The following HDAC6 variants were observed in gnomAD, a reference collection of about 807,000 sequenced individuals.
The protein encoded by HDAC6 is histone deacetylase 6, also known as protein deacetylase HDAC6.
HDAC6 carries 5 observed loss-of-function variants against 88.9 expected under a neutral mutation model. The observed-to-expected ratio is 0.06, with a 90% CI of 0.03 to 0.12. The LOEUF (loss-of-function observed/expected upper bound fraction) is 0.12. Among genes scored for constraint, HDAC6 ranks in the 10% least tolerant of loss-of-function variants. HDAC6 has a pLI of 1.00. For missense variants in HDAC6, 706 were observed against 1,014.4 expected, an observed-to-expected ratio of 0.70 and a Z score of 4.13; for synonymous variants, 378 against 398.0, an observed-to-expected ratio of 0.95 and a Z score of 0.60.
chrX:48,807,498 A>ATTTTAT (rs1166818145), intron 8 of HDAC6, among the ~76,000 whole-genome samples: 2 of 112,586 alleles, frequency 1.8e-5, no homozygotes, highest in African/African-American at 3.2e-5. Context: ...TGCGTTGATC[A>ATTTTAT]TTTTATTTTT....
chrX:48,822,666 C>T lies in HDAC6; in HGVS notation c.2384C>T (p.Thr795Ile). Reference protein sequence around the residue: ...TSISESMAACTRSLLGDPPPL... With the variant: ...TSISESMAACIRSLLGDPPPL... ...ATCTCAGAGTCCATGGCTGCCTGCA[C>T]TCGCTCCCTCCTTGGAGACCCACCA... is the stretch of plus-strand genomic sequence containing the variant. The change falls in exon 24 of 29, where the codon ACT becomes ATT. Residue 795 changes from threonine (T) to isoleucine (I), a missense_variant. Thr to Ile is a moderately conservative substitution (Grantham distance 89). Coordinates refer to ENST00000334136, the MANE Select transcript of HDAC6 (RefSeq NM_006044.4). 8.3e-7 allele frequency: 1 copy of T among 1,208,154 alleles called. No individual in the cohort carries two copies. Among genetic ancestry groups the T allele is most frequent in the South Asian group, 1.8e-5 (1 of 56,619 alleles).
In HDAC6 at chrX:48,824,938, C is replaced by T. The variant is rs1440053855; in HGVS notation, c.*326C>T. Reference sequence around the variant, plus strand: ...GAGGGGAGTTAACTGGCAGGCATGGCAAGGTTGCATATGTAATAAAGTACA... The same window carrying T: ...GAGGGGAGTTAACTGGCAGGCATGGTAAGGTTGCATATGTAATAAAGTACA... On this transcript the variant is annotated 3_prime_UTR_variant, in exon 29 of 29. Coordinates refer to ENST00000334136, the MANE Select transcript of HDAC6 (RefSeq NM_006044.4). 25 of 1,051,450 alleles carry T rather than the reference C, an allele frequency of 2.4e-5. No homozygotes were observed. Among genetic ancestry groups the T allele is most frequent in the Non-Finnish European group, 3.1e-5 (25 of 808,408 alleles). 86.7% of individuals were successfully genotyped at this position (1,051,450 alleles called of 1,213,427 possible). A position where few individuals can be genotyped will look rare whatever the true frequency, so the allele number is the denominator to read the frequency against.
At chrX:48,804,891 G>C (rs377431255) in intron 4 of HDAC6, among the ~76,000 whole-genome samples, 1 of 99,316 alleles carries the variant, frequency 1.0e-5, no homozygotes, top group East Asian at 3.2e-4. Flanking sequence ...CATGGAGACA[G>C]TTGGAGGAAG....
chrX:48,824,447 G>A, intron 28 of HDAC6, 97 bp from the exon 29 acceptor site: 1 of 1,078,289 alleles, frequency 9.3e-7, no homozygotes, highest in African/African-American at 1.8e-5. Flanking sequence ...TAGTCCAGAA[G>A]ACAGAGTGGT....
chrX:48,814,248 G>A, intron 10 of HDAC6, 192 bp from the exon 11 acceptor site: 1 of 444,350 alleles, frequency 2.3e-6, no homozygotes, highest in East Asian at 3.8e-5. Flanking sequence ...ATTGGTGACT[G>A]AATGTAAGGG....
intron 23 of HDAC6, among the ~76,000 whole-genome samples, chrX:48,821,968 A>G: frequency 8.9e-6 from 1 of 112,093 alleles, no homozygotes; most frequent in East Asian, 2.8e-4. Context: ...CCAAGTTCAA[A>G]CCCCAGTGCT....
chrX:48,811,890 C>G (rs2062908436), intron 10 of HDAC6, among the ~76,000 whole-genome samples: 1 of 112,052 alleles, frequency 8.9e-6, no homozygotes, highest in Non-Finnish European at 1.9e-5. Flanking sequence ...ATTGGCCGAT[C>G]TCATTTCATC....
upstream of HDAC6, chrX:48,801,723 C>A: frequency 2.0e-6 from 1 of 506,986 alleles, no homozygotes; most frequent in Non-Finnish European, 2.8e-6. Context: ...CGCCGACGCA[C>A]CGCCCCGCCG....
chrX:48,808,521 A>G lies in HDAC6; in HGVS notation c.806+195A>G, dbSNP rs781993024. The stretch of plus-strand genomic sequence containing the variant: ...TGAGGCAGGGACTGTTGGGTTCCCT[A>G]TTTTACAGATAGGGGGACTGAGGCT... On this transcript the variant is annotated intron_variant, in intron 10 of 28. Coordinates refer to ENST00000334136, the MANE Select transcript of HDAC6 (RefSeq NM_006044.4). Among the ~76,000 whole-genome samples the G allele has an allele frequency of 1.8e-4, 20 of 111,431 alleles. 1 individual carries two copies. Among genetic ancestry groups the G allele is most frequent in the Non-Finnish European group, 3.6e-4 (19 of 53,003 alleles).
chrX:48,806,988 G>A (rs1044895706), intron 8 of HDAC6: 13 of 196,051 alleles, frequency 6.6e-5, no homozygotes, highest in African/African-American at 3.8e-4. Flanking sequence ...TTTCATATTT[G>A]TAACATCTTG....
chrX:48,821,230 C>T (rs782807715), intron 23 of HDAC6, among the ~76,000 whole-genome samples: 3 of 107,289 alleles, frequency 2.8e-5, no homozygotes, highest in Non-Finnish European at 3.8e-5. Flanking sequence ...TTTTTTGAGA[C>T]GTTGTCTTGC....
chrX:48,806,090 G>A (rs1274845690), intron 6 of HDAC6: 1 of 363,528 alleles, frequency 2.8e-6, no homozygotes, highest in East Asian at 4.8e-5. Flanking sequence ...GAGTGAGTCA[G>A]ATGAAGAGGG....
Position 48,818,040 on chromosome X carries a change from G to T in HDAC6, c.1926-1G>T. On this transcript the variant is annotated splice_acceptor_variant, in intron 20 of 28. Coordinates refer to ENST00000334136, the MANE Select transcript of HDAC6 (RefSeq NM_006044.4). LOFTEE classifies it high-confidence loss of function. ...TTACTGAGGTGCTGTCTCCTCCCCA[G>T]GATCCTGATTGTGGATTGGGATGTC... 1 of 1,193,723 alleles carries T rather than the reference G, an allele frequency of 8.4e-7. No homozygotes were observed.
At chrX:48,805,884 G>A in intron 6 of HDAC6, 2 of 441,448 alleles carry the variant, frequency 4.5e-6, no homozygotes, top group Non-Finnish European at 7.9e-6. Flanking sequence ...GCTTAGAACA[G>A]GGCCTGATAT....
chrX:48,815,522 G>A (rs2062970589), intron 15 of HDAC6, 32 bp downstream of exon 15: 1 of 1,191,933 alleles, frequency 8.4e-7, no homozygotes, highest in South Asian at 1.8e-5. Flanking sequence ...GAAAGCGGGA[G>A]CCTCACTGCC....
chrX:48,813,477 T>C (rs954827676), intron 10 of HDAC6: 2 of 112,027 alleles, frequency 1.8e-5, no homozygotes, highest in Admixed American at 9.5e-5. Context: ...CTAGATTCAA[T>C]GCATACCACT....
chrX:48,803,798 C>T (rs2062767038), intron 4 of HDAC6, among the ~76,000 whole-genome samples: 1 of 112,106 alleles, frequency 8.9e-6, no homozygotes, highest in Non-Finnish European at 1.9e-5. Context: ...CCCCTACTTC[C>T]AACCTCACCT....
chrX:48,815,780 GTT>G (rs1167843317), intron 16 of HDAC6, 102 bp from the exon 17 acceptor site: 26 of 1,043,156 alleles, frequency 2.5e-5, no homozygotes, highest in Non-Finnish European at 3.3e-5. Context: ...CTGGGCCCTG[GTT>G]TCAGGCCTCC....
In HDAC6 at chrX:48,811,346, G is replaced by T. The variant is rs1432556482; in HGVS notation, c.806+3020G>T. 5.3e-5 allele frequency among the ~76,000 whole-genome samples: 6 copies of T among 112,311 alleles called. No individual in the cohort carries two copies. In the East Asian group the frequency reaches 1.7e-3, roughly 31 times the overall value. Reference sequence around the variant, plus strand: ...AAGTTTCTTCTGTTGTCTGAGTTATGTCTCTTTATTCTGAGGCTGGTTGAA... The same window carrying T: ...AAGTTTCTTCTGTTGTCTGAGTTATTTCTCTTTATTCTGAGGCTGGTTGAA... On this transcript the variant is annotated intron_variant, in intron 10 of 28. Coordinates refer to ENST00000334136, the MANE Select transcript of HDAC6 (RefSeq NM_006044.4).
Sources: allele counts gnomAD v4.1 joint callset (sites outside exome capture counted in the v4.1 genomes callset), GRCh38; gene constraint gnomAD v4.1.1; transcripts MANE v1.5; gene names NCBI Gene and HGNC (gene_info 2026-07-23, HGNC 2026-07-21).